The following KIAA1755 variants were observed in gnomAD, a reference collection of about 807,000 sequenced individuals.
KIAA1755 encodes KIAA1755.
Under a neutral mutation model 91.7 loss-of-function variants are expected in KIAA1755, and 68 were observed. That is an observed-to-expected ratio of 0.74 (90% CI 0.61 to 0.91). The LOEUF (loss-of-function observed/expected upper bound fraction) is 0.91, where lower values mean the gene tolerates loss of function less well. Among genes scored for constraint, KIAA1755 ranks in the 40% least tolerant of loss-of-function variants. KIAA1755 has a pLI of 0.00. For missense variants in KIAA1755, 1,535 were observed against 1,494.4 expected, an observed-to-expected ratio of 1.03 and a Z score of -0.45; for synonymous variants, 610 against 604.6, an observed-to-expected ratio of 1.01 and a Z score of -0.13.
At chr20:38,221,326 AG>A (rs1214027508) in intron 10 of KIAA1755, among the ~76,000 whole-genome samples, 1 of 152,052 alleles carries the variant, frequency 6.6e-6, no homozygotes, top group East Asian at 1.9e-4. Flanking sequence ...GATGGACAGG[AG>A]GGGCCTGGGC....
chr20:38,213,955 CTT>C (rs11482397), intron 13 of KIAA1755, among the ~76,000 whole-genome samples: 4 of 142,864 alleles, frequency 2.8e-5, no homozygotes, highest in African/African-American at 2.6e-5. Context: ...CATCAGACAC[CTT>C]TTTTTTTTTT....
chr20:38,219,518 T>C lies in KIAA1755; in HGVS notation c.2556+112A>G, dbSNP rs953275078. 1.1e-5 allele frequency: 15 copies of C among 1,415,758 alleles called. No individual in the cohort carries two copies. The African/African-American group carries it at 2.0e-4, about 19-fold the overall frequency. The allele number at this position is 1,415,758 out of a possible 1,614,324, so 87.7% of individuals were successfully genotyped here. A position where few individuals can be genotyped will look rare whatever the true frequency, so the allele number is the denominator to read the frequency against. ...GGCCTTTGAAGGATCGCCAGCTTGGTGTCCTTTCTCCAGAACAAAGCACCT... is the reference window on the plus strand; with the variant it reads ...GGCCTTTGAAGGATCGCCAGCTTGGCGTCCTTTCTCCAGAACAAAGCACCT... On this transcript the variant is annotated intron_variant, in intron 11 of 13. Transcript: ENST00000279024.
chr20:38,225,587 T>C (rs1456028291), intron 8 of KIAA1755, 78 bp downstream of exon 8: 1 of 915,740 alleles, frequency 1.1e-6, no homozygotes, highest in South Asian at 1.3e-5. Flanking sequence ...GCAGGGTTGA[T>C]GGATCCATGG....
At chr20:38,219,169 C>T (rs2075608893) in intron 11 of KIAA1755, among the ~76,000 whole-genome samples, 1 of 152,130 alleles carries the variant, frequency 6.6e-6, no homozygotes, top group African/African-American at 2.4e-5. Context: ...CCCCACAGCT[C>T]CAGGCTGACA....
At position 38,212,961 on chromosome 20, in the gene KIAA1755, G is replaced by T; in HGVS notation, c.*81C>A. 3 of 1,112,244 alleles carry T rather than the reference G, an allele frequency of 2.7e-6. No homozygotes were observed. The highest frequency in any genetic ancestry group is 3.2e-5 in the South Asian group (2 of 61,794). The allele number at this position is 1,112,244 out of a possible 1,614,324, so 68.9% of individuals were successfully genotyped here. On this transcript the variant is annotated 3_prime_UTR_variant, in exon 14 of 14. Transcript: ENST00000279024. ...TCCATGGTGACGTCTCACTGGGACT[G>T]ACCAGAGCTCCCAGCTACCCCTCCA...
intron 4 of KIAA1755, among the ~76,000 whole-genome samples, chr20:38,238,980 A>G (rs549319213): frequency 6.6e-6 from 1 of 152,284 alleles, no homozygotes; most frequent in African/African-American, 2.4e-5. Flanking sequence ...ACCCCATTCC[A>G]GGATCAGCCC....
In KIAA1755 at chr20:38,212,986, A is replaced by G. The variant is rs1409159078; in HGVS notation, c.*56T>C. The G allele has an allele frequency of 7.2e-7, 1 of 1,390,984 alleles. No homozygotes were observed. The highest frequency in any genetic ancestry group is 9.7e-7 in the Non-Finnish European group (1 of 1,027,824). 86.2% of individuals were successfully genotyped at this position (1,390,984 alleles called of 1,614,324 possible). ...GACCAGAGCTCCCAGCTACCCCTCC[A>G]GCTGGGCCCTGGCCCAGTGCTCCTG... On this transcript the variant is annotated 3_prime_UTR_variant, in exon 14 of 14. Transcript: ENST00000279024.
chr20:38,216,945 A>G (rs1335492281), intron 13 of KIAA1755: 1 of 618,766 alleles, frequency 1.6e-6, no homozygotes, highest in Admixed American at 2.1e-5. Flanking sequence ...GGGGTACCAC[A>G]GACACATCTA....
At chr20:38,238,558 C>T (rs2075998653) in intron 4 of KIAA1755, among the ~76,000 whole-genome samples, 2 of 152,170 alleles carry the variant, frequency 1.3e-5, no homozygotes, top group East Asian at 1.9e-4. Flanking sequence ...CTCTACTACC[C>T]TAAGCCTGAA....
chr20:38,230,952 C>G (rs1400777303), intron 5 of KIAA1755, among the ~76,000 whole-genome samples: 1 of 151,996 alleles, frequency 6.6e-6, no homozygotes, highest in Non-Finnish European at 1.5e-5. Context: ...ATCACACTGA[C>G]ACTCCTGAAA....
At chr20:38,217,876 G>C (rs982737914) in intron 12 of KIAA1755, 5 of 396,916 alleles carry the variant, frequency 1.3e-5, no homozygotes, top group African/African-American at 1.0e-4. Context: ...ATTCCTGAGC[G>C]CTGATACGGG....
rs2075495703 is a variant in KIAA1755, at chr20:38,213,748, G to C, written c.2902-5C>G. 2 of 1,454,686 alleles carry C rather than the reference G, an allele frequency of 1.4e-6. No individual in the cohort carries two copies. Among genetic ancestry groups the C allele is most frequent in the Admixed American group, 2.7e-5 (1 of 36,798 alleles). 90.1% of individuals were successfully genotyped at this position (1,454,686 alleles called of 1,614,324 possible). ...GTCCATGTGGAACCAGGTCATCTGG[G>C]GGACAAGAAGAGAGGGAGGTGGGGG... On this transcript the variant is annotated splice_region_variant and splice_polypyrimidine_tract_variant and intron_variant, in intron 13 of 13. Transcript: ENST00000279024.
In KIAA1755 at chr20:38,227,178, C is replaced by G. The variant is rs200120766; in HGVS notation, c.2028G>C (p.Gln676His). The change falls in exon 7 of 14, where the codon CAG becomes CAC. Residue 676 changes from glutamine (Q) to histidine (H), a missense_variant. Gln to His is a conservative substitution (Grantham distance 24). Coordinates refer to ENST00000279024, the MANE Select transcript of KIAA1755 (RefSeq NM_001029864.2). ...LFLGEKEAALQLQTLPDVQVE... is the reference protein window; with the variant it reads ...LFLGEKEAALHLQTLPDVQVE... ...CCTGGACGTCAGGTAATGTCTGCAG[C>G]TGGAGAGCCGCCTCCTTCTCCCCCA... The G allele has an allele frequency of 1.1e-5, 17 of 1,613,950 alleles. No individual in the cohort carries two copies. The highest frequency in any genetic ancestry group is 1.0e-5 in the Non-Finnish European group (12 of 1,179,902).
At chr20:38,237,942 T>G (rs2075988685) in intron 4 of KIAA1755, among the ~76,000 whole-genome samples, 1 of 152,162 alleles carries the variant, frequency 6.6e-6, no homozygotes, top group Non-Finnish European at 1.5e-5. Context: ...AAATGCTTTT[T>G]GCACACATGC....
intron 8 of KIAA1755, among the ~76,000 whole-genome samples, chr20:38,224,185 A>C (rs939577966): frequency 6.6e-6 from 1 of 152,178 alleles, no homozygotes; most frequent in Non-Finnish European, 1.5e-5. Context: ...AAACCCATTA[A>C]TATATGCAAG....
intron 5 of KIAA1755, among the ~76,000 whole-genome samples, chr20:38,229,778 C>A (rs145024255): frequency 1.3e-5 from 2 of 152,266 alleles, no homozygotes; most frequent in African/African-American, 2.4e-5. Context: ...TTCAGGCGAG[C>A]CTTGGGGAGG....
At position 38,240,626 on chromosome 20, in the gene KIAA1755, G is replaced by C. The variant is rs2076039264; in HGVS notation, c.1505C>G (p.Ser502Cys). 2 of 1,513,236 alleles carry C rather than the reference G, an allele frequency of 1.3e-6. No homozygotes were observed. The highest frequency in any genetic ancestry group is 4.6e-5 in the East Asian group (2 of 43,778). 93.7% of individuals were successfully genotyped at this position (1,513,236 alleles called of 1,614,324 possible). A position where few individuals can be genotyped will look rare whatever the true frequency, so the allele number is the denominator to read the frequency against. Reference protein sequence around the residue: ...QHNGPWKVLCSLYSPKPNRAK... With the variant: ...QHNGPWKVLCCLYSPKPNRAK... ...TCGGTTGGGTTTAGGAGAGTAGAGG[G>C]AACACAGGACTTTCCAGGGCCCATT... Residue 502 changes from serine (S) to cysteine (C), a missense_variant, in exon 3 of 14, where the codon TCC becomes TGC. By Grantham distance (112) the Ser-to-Cys change is moderately radical (BLOSUM62 -1). Coordinates refer to ENST00000279024, the MANE Select transcript of KIAA1755 (RefSeq NM_001029864.2).
intron 13 of KIAA1755, chr20:38,217,029 C>A: frequency 1.5e-6 from 1 of 658,546 alleles, no homozygotes; most frequent in South Asian, 1.7e-5. Context: ...TCACGATGAG[C>A]CTCCGACTGT....
chr20:38,252,782 T>C (rs960089099), intron 1 of KIAA1755, among the ~76,000 whole-genome samples: 10 of 152,194 alleles, frequency 6.6e-5, no homozygotes, highest in Admixed American at 6.5e-4. Flanking sequence ...AGGAAGTATG[T>C]TCCGAGTTAA....
Sources: gnomAD v4.1 joint callset for allele counts (sites outside exome capture counted in the v4.1 genomes callset) on GRCh38, gnomAD v4.1.1 for gene constraint, MANE v1.5 for transcripts, NCBI Gene and HGNC (gene_info 2026-07-23, HGNC 2026-07-21) for gene names.